The following STOX2 variants were observed in gnomAD, a reference collection of about 807,000 sequenced individuals.
The protein encoded by STOX2 is storkhead-box protein 2.
A neutral mutation model predicts 60.9 loss-of-function variants in STOX2; 28 were observed. That is an observed-to-expected ratio of 0.46 (90% CI 0.34 to 0.63). The LOEUF is 0.63. Among genes scored for constraint, STOX2 ranks in the 30% least tolerant of loss-of-function variants. The pLI is 0.01. For missense variants in STOX2, 1,024 were observed against 1,187.7 expected (o/e 0.86, Z 2.03); for synonymous variants, 472 against 463.9 (o/e 1.02, Z -0.22).
chr4:183,818,420 T>TCA (rs1739206319), intron 1 of STOX2, among the ~76,000 whole-genome samples: 1 of 152,200 alleles, frequency 6.6e-6, no homozygotes, highest in South Asian at 2.1e-4. Flanking sequence ...GGAGGTAAGG[T>TCA]CACAGATCAA....
At chr4:183,913,302 G>T (rs1321992399) in intron 1 of STOX2, among the ~76,000 whole-genome samples, 1 of 152,188 alleles carries the variant, frequency 6.6e-6, no homozygotes, top group East Asian at 1.9e-4. Flanking sequence ...AGTTTATGGG[G>T]TAGGTAACAC....
intron 1 of STOX2, among the ~76,000 whole-genome samples, chr4:183,984,948 C>T (rs1270590336): frequency 6.6e-6 from 1 of 152,162 alleles, no homozygotes; most frequent in Non-Finnish European, 1.5e-5. Context: ...GCAGACCGTT[C>T]TTGTCTTTGT....
At chr4:183,943,606 A>T (rs1219274948) in intron 1 of STOX2, among the ~76,000 whole-genome samples, 2 of 152,360 alleles carry the variant, frequency 1.3e-5, no homozygotes, top group Admixed American at 6.5e-5. Context: ...GTGCAGAATC[A>T]TTCTTGAGTT....
chr4:183,998,949 G>A (rs540392819), intron 1 of STOX2, among the ~76,000 whole-genome samples: 1 of 152,268 alleles, frequency 6.6e-6, no homozygotes, highest in African/African-American at 2.4e-5. Context: ...CTATTTGGAA[G>A]CCTGAGGTAG....
chr4:183,908,058 G>C (rs1698197960), intron 1 of STOX2, among the ~76,000 whole-genome samples: 2 of 152,200 alleles, frequency 1.3e-5, no homozygotes, highest in African/African-American at 4.8e-5. Flanking sequence ...AAAACAGCAA[G>C]TCCTTTTTAA....
chr4:183,860,793 T>C lies in STOX2; in HGVS notation c.364+62738T>C, dbSNP rs560634880. 8.9e-3 allele frequency among the ~76,000 whole-genome samples: 1,348 copies of C among 152,230 alleles called. 73 individuals carry two copies. Among genetic ancestry groups the C allele is most frequent in the Admixed American group, 0.081 (1,241 of 15,284 alleles). ...CCTGACACCTTTATGAAAAACCCCC[T>C]GTATGAAAAACACTGGGGGAATCTC... On this transcript the variant is annotated intron_variant, in intron 1 of 2. Transcript: ENST00000513034.
At chr4:183,929,981 A>T (rs1742369007) in intron 1 of STOX2, among the ~76,000 whole-genome samples, 1 of 151,902 alleles carries the variant, frequency 6.6e-6, no homozygotes, top group Non-Finnish European at 1.5e-5. Flanking sequence ...CTCCTGCCTC[A>T]GCCTCCCGAG....
At chr4:183,895,933 T>A (rs114173999) in intron 1 of STOX2, among the ~76,000 whole-genome samples, 1,782 of 152,238 alleles carry the variant, frequency 0.012, 27 homozygotes, top group African/African-American at 0.04. Context: ...AGGGCAAAGA[T>A]AAGGAGAAGA....
At position 184,020,538 on chromosome 4, in the gene STOX2, C is replaced by G. The variant is rs1366101813; in HGVS notation, c.*3254C>G. On this transcript the variant is annotated 3_prime_UTR_variant, in exon 4 of 4. Transcript: ENST00000308497. The stretch of plus-strand genomic sequence containing the variant: ...CAAGCTTGAAGCACTTCGGGCTCTG[C>G]CTTCACTCGCATGCTACCATGTCGA... 1 of 152,170 alleles carries G rather than the reference C, an allele frequency of 6.6e-6. No individual in the cohort carries two copies. Among genetic ancestry groups the G allele is most frequent in the Non-Finnish European group, 1.5e-5 (1 of 68,044 alleles). 9.4% of individuals were successfully genotyped at this position (152,170 alleles called of 1,614,324 possible).
chr4:183,965,044 A>G (rs929864020), intron 1 of STOX2, among the ~76,000 whole-genome samples: 10 of 152,246 alleles, frequency 6.6e-5, no homozygotes, highest in Non-Finnish European at 1.5e-4. Context: ...TTCAATCAGC[A>G]TAAAAATCTT....
intron 1 of STOX2, among the ~76,000 whole-genome samples, chr4:183,838,341 TTAAA>T (rs966877621): frequency 6.6e-6 from 1 of 151,436 alleles, no homozygotes. Context: ...ATTGAAATAT[TTAAA>T]TAAATGAAAT....
At chr4:183,989,866 C>T (rs758900292) in intron 1 of STOX2, among the ~76,000 whole-genome samples, 5 of 152,276 alleles carry the variant, frequency 3.3e-5, no homozygotes, top group East Asian at 1.9e-4. Context: ...GGCTTTACCC[C>T]CTCATCACAT....
In STOX2 at chr4:183,874,992, T is replaced by A. The variant is rs867396516; in HGVS notation, c.364+76937T>A. ...ATATATATATATATATATATATATATAAAACTTAGAATTTTGCAGTGTGAA... is the reference window on the plus strand; with the variant it reads ...ATATATATATATATATATATATATAAAAAACTTAGAATTTTGCAGTGTGAA... On this transcript the variant is annotated intron_variant, in intron 1 of 2. Transcript: ENST00000513034. Among the ~76,000 whole-genome samples, 347 of 53,008 alleles carry A rather than the reference T, an allele frequency of 6.5e-3. 6 individuals carry two copies. Among genetic ancestry groups the A allele is most frequent in the African/African-American group, 0.021 (324 of 15,616 alleles). 34.8% of individuals were successfully genotyped at this position (53,008 alleles called of 152,430 possible). A position where few individuals can be genotyped will look rare whatever the true frequency, so the allele number is the denominator to read the frequency against.
At chr4:183,854,716 TA>T (rs1560847584) in intron 1 of STOX2, among the ~76,000 whole-genome samples, 2 of 152,200 alleles carry the variant, frequency 1.3e-5, no homozygotes, top group African/African-American at 4.8e-5. Context: ...ATGATTTTGA[TA>T]TAGAGCACTG....
chr4:184,017,439 A>G lies in STOX2; in HGVS notation c.*155A>G, dbSNP rs1406955463. On this transcript the variant is annotated 3_prime_UTR_variant, in exon 4 of 4. Coordinates refer to ENST00000308497, the MANE Select transcript of STOX2 (RefSeq NM_020225.3). ...TAAGTAGGGCTAGGGCAAAAAAACAAAAAATCTTTATTTCAGAGTATTGCT... is the reference window on the plus strand; with the variant it reads ...TAAGTAGGGCTAGGGCAAAAAAACAGAAAATCTTTATTTCAGAGTATTGCT... 6.1e-6 allele frequency: 4 copies of G among 656,050 alleles called. No homozygotes were observed. Among genetic ancestry groups the G allele is most frequent in the African/African-American group, 3.7e-5 (2 of 54,186 alleles). 40.6% of individuals were successfully genotyped at this position (656,050 alleles called of 1,614,324 possible).
rs1296785638 is a variant in STOX2, at chr4:184,010,440, G to T, written c.1602G>T (p.Arg534Ser). 2 of 1,613,834 alleles carry T rather than the reference G, an allele frequency of 1.2e-6. No homozygotes were observed. Among genetic ancestry groups the T allele is most frequent in the African/African-American group, 2.7e-5 (2 of 75,030 alleles). The change falls in exon 3 of 4, where the codon AGG (arginine) becomes AGT (serine). Residue 534 changes from arginine (R) to serine (S), a missense_variant. Physicochemically the swap from Arg to Ser is moderately radical, Grantham distance 110. This residue lies in a region of STOX2 where 922 missense variants were observed against 1,058.3 expected (regional missense o/e 0.87). Transcript: ENST00000308497. This position sits in a 1 kb window ranked among gnomAD's most constrained non-coding sequence, Gnocchi z 4.5. Reference sequence around the variant, plus strand: ...CCTACATTGACGACAGTACTTTAAGGCCTGCACAGACCGTTAGTCTCCAAA... The same window carrying T: ...CCTACATTGACGACAGTACTTTAAGTCCTGCACAGACCGTTAGTCTCCAAA... ...SQSYIDDSTL[R>S]PAQTVSLQRA...
intron 1 of STOX2, among the ~76,000 whole-genome samples, chr4:183,879,621 C>T (rs1247560874): frequency 1.3e-5 from 2 of 152,196 alleles, no homozygotes; most frequent in Non-Finnish European, 2.9e-5. Context: ...TGGCACCTTT[C>T]ACCATTTCTC....
chr4:183,933,592 T>C (rs1209323842), intron 1 of STOX2, among the ~76,000 whole-genome samples: 4 of 152,276 alleles, frequency 2.6e-5, no homozygotes, highest in South Asian at 4.2e-4. Context: ...TTTCGCCATG[T>C]TGGCCGGGCT....
At chr4:183,971,797 T>G (rs987578343) in intron 1 of STOX2, among the ~76,000 whole-genome samples, 2 of 152,182 alleles carry the variant, frequency 1.3e-5, no homozygotes, top group Non-Finnish European at 2.9e-5. Context: ...CTGCTAACAG[T>G]GCTATTTCAG....
Sources: allele counts gnomAD v4.1 joint callset (sites outside exome capture counted in the v4.1 genomes callset), GRCh38; gene constraint gnomAD v4.1.1; regional missense constraint gnomAD v4.1.1; non-coding constraint Gnocchi (gnomAD v3.1); transcripts MANE v1.5; gene names NCBI Gene and HGNC (gene_info 2026-07-23, HGNC 2026-07-21).